The following TBX20 variants were observed in gnomAD, a reference collection of about 807,000 sequenced individuals.
TBX20 encodes the protein T-box transcription factor TBX20.
TBX20 carries 8 observed loss-of-function variants against 42.9 expected under a neutral mutation model. The observed-to-expected ratio is 0.19, with a 90% CI of 0.11 to 0.34. The LOEUF (loss-of-function observed/expected upper bound fraction) is 0.34. TBX20 is among the 10% of genes least tolerant of loss of function. The pLI is 1.00. For synonymous variants in TBX20, 198 were observed against 222.8 expected, an observed-to-expected ratio of 0.89 and a Z score of 0.99; for missense variants, 411 against 566.0, an observed-to-expected ratio of 0.73 and a Z score of 2.78.
chr7:35,253,458 C>T lies in TBX20; in HGVS notation c.127+36G>A, dbSNP rs753530413. The T allele has an allele frequency of 6.9e-6, 11 of 1,595,444 alleles. No individual in the cohort carries two copies. The South Asian group carries it at 1.2e-4, about 18-fold the overall frequency. ...GGGCACAGACGGATGCGCAGCATCC[C>T]CAGTCCTCGGCGGACAGCCGGGTAG... On this transcript the variant is annotated intron_variant, in intron 1 of 7. Transcript: ENST00000408931.
chr7:35,251,795 A>G (rs909221559), intron 1 of TBX20, among the ~76,000 whole-genome samples: 1 of 152,344 alleles, frequency 6.6e-6, no homozygotes, highest in African/African-American at 2.4e-5. Flanking sequence ...AAAGTCCCAC[A>G]TTCTCTCTTA....
At chr7:35,236,393 T>C (rs1187009005) in intron 5 of TBX20, among the ~76,000 whole-genome samples, 11 of 152,280 alleles carry the variant, frequency 7.2e-5, no homozygotes, top group African/African-American at 2.4e-4. Flanking sequence ...ATTTATTATA[T>C]GTTATAGGCT....
intron 6 of TBX20, among the ~76,000 whole-genome samples, chr7:35,212,442 C>T (rs1393734323): frequency 6.6e-6 from 1 of 152,132 alleles, no homozygotes; most frequent in African/African-American, 2.4e-5. Flanking sequence ...CTTTGCATTC[C>T]TGGTAATCTT....
chr7:35,248,004 G>A (rs1790228200), intron 3 of TBX20, among the ~76,000 whole-genome samples: 1 of 152,170 alleles, frequency 6.6e-6, no homozygotes, highest in Non-Finnish European at 1.5e-5. Flanking sequence ...TGGAAAAACT[G>A]TATTATTAGC....
intron 6 of TBX20, among the ~76,000 whole-genome samples, chr7:35,215,216 T>C (rs1160312062): frequency 6.6e-6 from 1 of 152,218 alleles, no homozygotes; most frequent in Non-Finnish European, 1.5e-5. Context: ...ATTGAAGTGA[T>C]TTACTTGTGT....
chr7:35,214,609 A>G (rs1181709443), intron 6 of TBX20, among the ~76,000 whole-genome samples: 1 of 152,168 alleles, frequency 6.6e-6, no homozygotes, highest in Non-Finnish European at 1.5e-5. Context: ...GAACCCCAGC[A>G]GCCTAAACAG....
intron 5 of TBX20, among the ~76,000 whole-genome samples, chr7:35,234,505 C>T (rs1382812287): frequency 6.6e-6 from 1 of 152,232 alleles, no homozygotes; most frequent in East Asian, 1.9e-4. Flanking sequence ...CAAATGTCTT[C>T]GAATTTTCTC....
At position 35,244,935 on chromosome 7, in the gene TBX20, G is replaced by A; in HGVS notation, c.654+14C>T. ...ACCTCAGGGAACCTGCACAGTCCAA[G>A]GCATGGTACTTACATGGCCATGTTG... On this transcript the variant is annotated intron_variant, in intron 4 of 7. Transcript: ENST00000408931. The A allele has an allele frequency of 1.3e-5, 21 of 1,592,242 alleles. No individual in the cohort carries two copies. The highest frequency in any genetic ancestry group is 1.7e-5 in the Non-Finnish European group (20 of 1,160,144).
At chr7:35,252,942 GAC>G (rs1407567884) in intron 1 of TBX20, among the ~76,000 whole-genome samples, 5 of 152,188 alleles carry the variant, frequency 3.3e-5, no homozygotes, top group Non-Finnish European at 5.9e-5. Flanking sequence ...TGAAAATGAC[GAC>G]AGTTATAAAA....
At chr7:35,231,757 T>C (rs1321154146) in intron 5 of TBX20, among the ~76,000 whole-genome samples, 177 bp from the exon 6 acceptor site, 2 of 152,058 alleles carry the variant, frequency 1.3e-5, no homozygotes, top group East Asian at 3.9e-4. Flanking sequence ...CCAGGTGGGA[T>C]GGTAAGGGAA....
chr7:35,252,996 G>C (rs1228274037), intron 1 of TBX20, among the ~76,000 whole-genome samples: 1 of 152,202 alleles, frequency 6.6e-6, no homozygotes, highest in Non-Finnish European at 1.5e-5. Context: ...TGAATAAAAT[G>C]GTTCGTGTAG....
intron 6 of TBX20, among the ~76,000 whole-genome samples, chr7:35,217,055 A>G (rs200637840): frequency 3.3e-5 from 5 of 151,772 alleles, no homozygotes; most frequent in Admixed American, 1.3e-4. Flanking sequence ...AGGAGGTATT[A>G]TAAATCATTA....
At chr7:35,240,657 G>A (rs1790057738) in intron 5 of TBX20, among the ~76,000 whole-genome samples, 2 of 152,102 alleles carry the variant, frequency 1.3e-5, no homozygotes, top group African/African-American at 2.4e-5. Flanking sequence ...GTGGGGAAGT[G>A]GGCAGTTAAA....
At chr7:35,209,760 G>A (rs1283894009) in intron 6 of TBX20, among the ~76,000 whole-genome samples, 1 of 152,084 alleles carries the variant, frequency 6.6e-6, no homozygotes, top group African/African-American at 2.4e-5. Context: ...ATTGATTTGG[G>A]ACCTTTCATT....
Position 35,202,542 on chromosome 7 carries a change from G to C in TBX20, c.1232C>G (p.Pro411Arg), listed in dbSNP as rs761099727. ...AIASSMQGSG[P>R]TFPSFHMPRY... is the part of the protein sequence containing the mutation. Reference sequence around the variant, plus strand: ...CGGCATGTGGAATGAAGGGAATGTGGGGCCACTCCCTTGCATGGAGCTGGC... The same window carrying C: ...CGGCATGTGGAATGAAGGGAATGTGCGGCCACTCCCTTGCATGGAGCTGGC... Residue 411 changes from proline to arginine, a missense_variant, in exon 8 of 8, where the codon CCC (proline) becomes CGC (arginine). Coordinates refer to ENST00000408931, the MANE Select transcript of TBX20 (RefSeq NM_001077653.2). 5 of 1,613,784 alleles carry C rather than the reference G, an allele frequency of 3.1e-6. No homozygotes were observed. Among genetic ancestry groups the C allele is most frequent in the Non-Finnish European group, 4.2e-6 (5 of 1,179,884 alleles).
Position 35,231,541 on chromosome 7 carries a change from C to A in TBX20, c.853G>T (p.Gly285Ter), listed in dbSNP as rs931492981. Residue 285 changes from glycine (G) to a stop codon, truncating the protein, a stop_gained, in exon 6 of 8, where the codon GGA becomes TGA. Coordinates refer to ENST00000408931, the MANE Select transcript of TBX20 (RefSeq NM_001077653.2). LOFTEE classifies it high-confidence loss of function. The part of the protein sequence containing the change: ...LKIDSNPFAK[G>*]FRDSSRLTDI... ...GTGAGCCTGGAGGAATCCCGGAATC[C>A]TTTGGCAAAAGGATTGCTATCTATT... The A allele has an allele frequency of 6.2e-7, 1 of 1,613,434 alleles. No individual in the cohort carries two copies.
At chr7:35,245,191 A>C (rs1584357433) in intron 3 of TBX20, 134 bp from the exon 4 acceptor site, 1 of 646,436 alleles carries the variant, frequency 1.5e-6, no homozygotes, top group African/African-American at 1.8e-5. Flanking sequence ...ATATACCTCA[A>C]ATTTATTACT....
At chr7:35,240,388 A>G (rs1790051971) in intron 5 of TBX20, among the ~76,000 whole-genome samples, 1 of 152,208 alleles carries the variant, frequency 6.6e-6, no homozygotes, top group Admixed American at 6.5e-5. Context: ...ATGGTTTACT[A>G]TCTAAAAAGA....
intron 4 of TBX20, among the ~76,000 whole-genome samples, chr7:35,243,462 G>A (rs920831004): frequency 3.3e-5 from 5 of 152,052 alleles, no homozygotes; most frequent in African/African-American, 1.2e-4. Flanking sequence ...ATGGACAATG[G>A]ATCTCAAAAT....
Sources: gnomAD v4.1 joint callset for allele counts (sites outside exome capture counted in the v4.1 genomes callset) on GRCh38, gnomAD v4.1.1 for gene constraint, MANE v1.5 for transcripts, NCBI Gene and HGNC (gene_info 2026-07-23, HGNC 2026-07-21) for gene names.